Variants in WDR33 observed in about 807,000 individuals in gnomAD.
WDR33 encodes WD repeat domain 33.
A neutral mutation model predicts 164.9 loss-of-function variants in WDR33; 47 were observed. The ratio of observed to expected loss-of-function variants is 0.29; its 90% CI spans 0.23 to 0.36. The LOEUF is 0.36. Ranked by LOEUF, WDR33 falls within the 10% of genes least tolerant of loss-of-function variation. The pLI, the probability that WDR33 is intolerant of heterozygous loss-of-function variation, is 1.00. For missense variants in WDR33, 1,137 were observed against 1,754.1 expected (o/e 0.65, Z 6.28); for synonymous variants, 505 against 589.0 (o/e 0.86, Z 2.06).
rs545264211 is a variant in WDR33, at chr2:127,785,625, C to T, written c.-23-14621G>A. ...ACTTAGCAATATGCATTTAAGGTTC[C>T]TGCATGTCTTTTCAGGTCTTGATAG... On this transcript the variant is annotated intron_variant, in intron 1 of 21. Coordinates refer to ENST00000322313, the MANE Select transcript of WDR33 (RefSeq NM_018383.5). 3.3e-5 allele frequency among the ~76,000 whole-genome samples: 5 copies of T among 152,160 alleles called. No individual in the cohort carries two copies. The South Asian group carries it at 1.0e-3, about 31-fold the overall frequency.
chr2:127,742,794 T>C (rs1573906408), intron 7 of WDR33, among the ~76,000 whole-genome samples: 1 of 141,020 alleles, frequency 7.1e-6, no homozygotes, highest in African/African-American at 3.0e-5. Flanking sequence ...GGAAAAAAGA[T>C]AAGACTGCAG....
intron 1 of WDR33, among the ~76,000 whole-genome samples, chr2:127,775,208 A>G (rs1688148621): frequency 6.6e-6 from 1 of 151,964 alleles, no homozygotes; most frequent in African/African-American, 2.4e-5. Context: ...TTTTTTTTTG[A>G]GACGGAGTCT....
intron 7 of WDR33, chr2:127,762,573 G>C: frequency 1.0e-6 from 1 of 985,768 alleles, no homozygotes; most frequent in African/African-American, 1.7e-5. Context: ...CCCGAACTTA[G>C]TAACAAGCCG....
chr2:127,745,087 T>C (rs1245006347), intron 7 of WDR33, among the ~76,000 whole-genome samples: 1 of 152,206 alleles, frequency 6.6e-6, no homozygotes, highest in Non-Finnish European at 1.5e-5. Context: ...CAGGACCAGA[T>C]ATAGAAGGAT....
At position 127,713,676 on chromosome 2, in the gene WDR33, C is replaced by T; in HGVS notation, c.3215G>A (p.Gly1072Asp). 1 of 1,614,218 alleles carries T rather than the reference C, an allele frequency of 6.2e-7. No homozygotes were observed. Among genetic ancestry groups the T allele is most frequent in the Non-Finnish European group, 8.5e-7 (1 of 1,180,032 alleles). Residue 1072 changes from glycine to aspartate, a missense_variant, in exon 18 of 22, where the codon GGC (glycine) becomes GAC (aspartate). Gly to Asp is a moderately conservative substitution (Grantham distance 94). Coordinates refer to ENST00000322313, the MANE Select transcript of WDR33 (RefSeq NM_018383.5). The surrounding 1 kb of genome is among the most constrained non-coding windows in gnomAD (Gnocchi z 6.2). ...SEGDGRGAAR[G>D]PPGAWEGRRP... is the part of the protein sequence containing the mutation. ...GCGGCCTTCCCATGCCCCCGGAGGG[C>T]CTCGGGCTGCACCCCGGCCATCCCC...
intron 7 of WDR33, among the ~76,000 whole-genome samples, chr2:127,743,564 C>A (rs181509548): frequency 1.3e-5 from 2 of 151,614 alleles, no homozygotes; most frequent in East Asian, 3.9e-4. Context: ...ACAAAAGTAG[C>A]CATAATTCAA....
intron 1 of WDR33, among the ~76,000 whole-genome samples, chr2:127,795,889 T>C (rs1438872332): frequency 1.3e-5 from 2 of 149,064 alleles, no homozygotes; most frequent in Non-Finnish European, 1.5e-5. Context: ...AAGGAGAAAA[T>C]GGGGAGGGGA....
intron 1 of WDR33, among the ~76,000 whole-genome samples, chr2:127,788,439 C>CA (rs1688693559): frequency 7.6e-6 from 1 of 131,372 alleles, no homozygotes; most frequent in Non-Finnish European, 1.6e-5. Flanking sequence ...CCCCCCACCT[C>CA]CCTCCCGGAC....
chr2:127,722,575 A>G lies in WDR33; in HGVS notation c.1518+16T>C, dbSNP rs779862949. 8 of 1,610,254 alleles carry G rather than the reference A, an allele frequency of 5.0e-6. No homozygotes were observed. The highest frequency in any genetic ancestry group is 6.8e-6 in the Non-Finnish European group (8 of 1,178,790). On this transcript the variant is annotated intron_variant, in intron 14 of 21. Transcript: ENST00000322313. This position sits in a 1 kb window ranked among gnomAD's most constrained non-coding sequence, Gnocchi z 5.1. ...AAACCTCTCTGCGTGGATGAGGTGG[A>G]GTCACTTTTACTTACCTGCTGGAAC...
chr2:127,724,214 T>C lies in WDR33; in HGVS notation c.1196+119A>G. ...GTATTTGTAAACCACTACAAAAATATTCCCAAGAATAAGTTGGAATATAAA... is the reference window on the plus strand; with the variant it reads ...GTATTTGTAAACCACTACAAAAATACTCCCAAGAATAAGTTGGAATATAAA... On this transcript the variant is annotated intron_variant, in intron 11 of 21. Coordinates refer to ENST00000322313, the MANE Select transcript of WDR33 (RefSeq NM_018383.5). The surrounding 1 kb of genome is among the most constrained non-coding windows in gnomAD (Gnocchi z 4.8). The C allele has an allele frequency of 2.8e-6, 2 of 717,900 alleles. No homozygotes were observed. The highest frequency in any genetic ancestry group is 4.4e-6 in the Non-Finnish European group (2 of 458,078). 44.5% of individuals were successfully genotyped at this position (717,900 alleles called of 1,614,324 possible).
intron 7 of WDR33, among the ~76,000 whole-genome samples, chr2:127,752,884 T>A (rs1687413706): frequency 6.6e-6 from 1 of 152,200 alleles, no homozygotes; most frequent in Non-Finnish European, 1.5e-5. Context: ...ATCTAACAAC[T>A]AAGATAAACT....
intron 7 of WDR33, chr2:127,736,980 A>C: frequency 2.0e-6 from 2 of 985,378 alleles, no homozygotes; most frequent in South Asian, 9.4e-5. Flanking sequence ...AAAAGGTACA[A>C]TATTATTCCA....
chr2:127,737,202 C>G (rs764332854), intron 7 of WDR33: 44 of 985,258 alleles, frequency 4.5e-5, no homozygotes, highest in Non-Finnish European at 5.3e-5. Flanking sequence ...TATTTTTCAA[C>G]CTCAATTCTG....
chr2:127,732,514 G>A (rs1204243985), intron 7 of WDR33, among the ~76,000 whole-genome samples: 1 of 152,124 alleles, frequency 6.6e-6, no homozygotes, highest in Non-Finnish European at 1.5e-5. Context: ...TAGAGATGGA[G>A]TCTCCCTATG....
intron 1 of WDR33, among the ~76,000 whole-genome samples, chr2:127,781,773 C>G (rs1241410161): frequency 1.3e-5 from 2 of 149,946 alleles, no homozygotes; most frequent in African/African-American, 4.9e-5. Flanking sequence ...CCGAGGTAGG[C>G]AGATCACCTG....
At chr2:127,733,729 A>C (rs1686767085) in intron 7 of WDR33, among the ~76,000 whole-genome samples, 1 of 152,212 alleles carries the variant, frequency 6.6e-6, no homozygotes, top group Admixed American at 6.5e-5. Flanking sequence ...AAAAACAAAA[A>C]AACCCTATTG....
At chr2:127,737,888 C>A (rs1686895580) in intron 7 of WDR33, 1 of 1,488,746 alleles carries the variant, frequency 6.7e-7, no homozygotes, top group South Asian at 1.4e-5. Flanking sequence ...AGTAGTTAAC[C>A]CATAGCCATC....
intron 18 of WDR33, among the ~76,000 whole-genome samples, chr2:127,711,753 T>TAG (rs1424748896): frequency 4.9e-4 from 35 of 71,112 alleles, no homozygotes; most frequent in African/African-American, 4.2e-3. Flanking sequence ...CATATACAGA[T>TAG]ATATATATAT....
intron 1 of WDR33, among the ~76,000 whole-genome samples, chr2:127,788,079 C>G (rs1688664667): frequency 1.0e-5 from 1 of 95,456 alleles, no homozygotes; most frequent in African/African-American, 5.2e-5. Context: ...GCCGACACCC[C>G]CACCTCCCTC....
Sources: gnomAD v4.1 joint callset for allele counts (sites outside exome capture counted in the v4.1 genomes callset) on GRCh38, gnomAD v4.1.1 for gene constraint, Gnocchi (gnomAD v3.1) non-coding constraint, MANE v1.5 for transcripts, NCBI Gene and HGNC (gene_info 2026-07-23, HGNC 2026-07-21) for gene names.